ZDHHC24: variants seen among roughly 807,000 people sequenced by gnomAD.
ZDHHC24 encodes the protein zDHHC palmitoyltransferase 24, also known as probable palmitoyltransferase ZDHHC24.
Under a neutral mutation model 23.2 loss-of-function variants are expected in ZDHHC24, and 17 were observed. The observed-to-expected ratio is 0.73, with a 90% CI of 0.50 to 1.10. The LOEUF (loss-of-function observed/expected upper bound fraction) is 1.10. Among genes scored for constraint, ZDHHC24 ranks in the 50% least tolerant of loss-of-function variants. The pLI, the probability that ZDHHC24 is intolerant of heterozygous loss-of-function variation, is 0.00. For missense variants in ZDHHC24, 366 were observed against 393.0 expected (o/e 0.93, Z 0.58); for synonymous variants, 186 against 194.5 (o/e 0.96, Z 0.36).
Position 66,539,766 on chromosome 11 carries a change from A to G in ZDHHC24, c.618T>C (p.Gly206=). 1 of 1,606,558 alleles carries G rather than the reference A, an allele frequency of 6.2e-7. No homozygotes were observed. The highest frequency in any genetic ancestry group is 8.5e-7 in the Non-Finnish European group (1 of 1,177,196). ...GCAGCCCAGCCCCGCACAGCAGCGC[A>G]CCCGCCACGCACGTGTCCGTCACGA... ...LAFVTDTCVA[G]ALLCGAGLLF... The change falls in exon 3 of 3, where the codon GGT becomes GGC. Residue 206 remains glycine, a synonymous_variant. Coordinates refer to ENST00000310442, the MANE Select transcript of ZDHHC24 (RefSeq NM_207340.3).
At chr11:66,535,524 C>T (rs1177300585), downstream of ZDHHC24, among the ~76,000 whole-genome samples, 1 of 152,054 alleles carries the variant, frequency 6.6e-6, no homozygotes, top group Non-Finnish European at 1.5e-5. Context: ...GAGACAGGGT[C>T]TCACTATGTT....
intron 2 of ZDHHC24, chr11:66,542,599 G>C (rs764530198): frequency 1.3e-5 from 2 of 153,158 alleles, no homozygotes; most frequent in Admixed American, 6.6e-5. Context: ...GACCAGGACT[G>C]GGGTGTGGAC....
chr11:66,521,998 A>C (rs1162688742), intron 4 of ZDHHC24, among the ~76,000 whole-genome samples: 1 of 150,768 alleles, frequency 6.6e-6, no homozygotes, highest in African/African-American at 2.4e-5. Flanking sequence ...TGGGTGGATC[A>C]TGAGGTCAGG....
chr11:66,531,659 C>T (rs1419788913), downstream of ZDHHC24: 2 of 1,613,988 alleles, frequency 1.2e-6, no homozygotes, highest in Admixed American at 1.7e-5. Flanking sequence ...AACTTAGGTA[C>T]CCTTGCTGGT....
exon 3 of ZDHHC24, chr11:66,529,334 T>G (rs756153972): frequency 3.3e-6 from 5 of 1,535,408 alleles, no homozygotes; most frequent in Non-Finnish European, 4.4e-6. Flanking sequence ...TTCCGCAGCA[T>G]TGAGCCTGAG....
intron 3 of ZDHHC24, chr11:66,528,980 A>C: frequency 2.7e-6 from 2 of 736,378 alleles, no homozygotes; most frequent in Non-Finnish European, 3.3e-6. Context: ...AAAAAAAAAA[A>C]AAAAAAAAAG....
downstream of ZDHHC24, chr11:66,532,231 A>C: frequency 3.3e-6 from 2 of 606,172 alleles, no homozygotes; most frequent in East Asian, 2.8e-5. Flanking sequence ...GGGCGGCTCA[A>C]CTCCTCCCAC....
At chr11:66,521,449 T>G in exon 5 of ZDHHC24, 1 of 1,194,626 alleles carries the variant, frequency 8.4e-7, no homozygotes, top group Non-Finnish European at 1.2e-6. Context: ...GCTTGCAAGA[T>G]GAGAGTGGGC....
At chr11:66,540,296 G>T (rs1044352402) in intron 2 of ZDHHC24, among the ~76,000 whole-genome samples, 1 of 152,030 alleles carries the variant, frequency 6.6e-6, no homozygotes, top group East Asian at 1.9e-4. Context: ...GCAGGCGCCT[G>T]TAATCCCAGC....
At chr11:66,535,494 C>G (rs1856939683), downstream of ZDHHC24, among the ~76,000 whole-genome samples, 1 of 151,958 alleles carries the variant, frequency 6.6e-6, no homozygotes, top group South Asian at 2.1e-4. Flanking sequence ...GCCCAGCCCC[C>G]ATTAATTTTG....
chr11:66,526,857 C>T, intron 4 of ZDHHC24: 3 of 1,614,128 alleles, frequency 1.9e-6, no homozygotes, highest in Non-Finnish European at 2.5e-6. Context: ...ACTGCTCCTA[C>T]ACAGCAAAGC....
Position 66,535,780 on chromosome 11 carries a change from T to G in ZDHHC24, c.*3749A>C, listed in dbSNP as rs1480489499. On this transcript the variant is annotated 3_prime_UTR_variant, in exon 3 of 3. Coordinates refer to ENST00000310442, the MANE Select transcript of ZDHHC24 (RefSeq NM_207340.3). ...TCCATTCTACATCTCAAGGGGTTTT[T>G]GGGGGGAATTTGACAAGCTGATTCT... 4.6e-5 allele frequency: 7 copies of G among 152,132 alleles called. No individual in the cohort carries two copies. The highest frequency in any genetic ancestry group is 1.4e-4 in the African/African-American group (6 of 41,414). 9.4% of individuals were successfully genotyped at this position (152,132 alleles called of 1,614,324 possible). A position where few individuals can be genotyped will look rare whatever the true frequency, so the allele number is the denominator to read the frequency against.
intron 2 of ZDHHC24, 43 bp downstream of exon 2, chr11:66,543,661 C>T: frequency 2.6e-6 from 4 of 1,518,076 alleles, no homozygotes; most frequent in Non-Finnish European, 3.5e-6. Flanking sequence ...CAGCCCAATA[C>T]CAGGGCCCCT....
At chr11:66,522,768 C>A in intron 4 of ZDHHC24, 1 of 240,648 alleles carries the variant, frequency 4.2e-6, no homozygotes, top group Non-Finnish European at 8.2e-6. Context: ...ATGGCGAAGA[C>A]AGATGTATTA....
chr11:66,522,884 C>T (rs932377421), intron 4 of ZDHHC24: 9 of 345,530 alleles, frequency 2.6e-5, no homozygotes, highest in African/African-American at 1.9e-4. Flanking sequence ...GAACACCTCT[C>T]TGTGGAGATG....
At chr11:66,544,669 T>C (rs1857257623) in intron 1 of ZDHHC24, among the ~76,000 whole-genome samples, 1 of 152,184 alleles carries the variant, frequency 6.6e-6, no homozygotes, top group African/African-American at 2.4e-5. Context: ...TCCTTCTCTA[T>C]GAGGTCTACC....
downstream of ZDHHC24, chr11:66,531,626 GT>G (rs763117897): frequency 1.2e-6 from 2 of 1,613,972 alleles, no homozygotes; most frequent in Non-Finnish European, 1.7e-6. Flanking sequence ...ACGAGGGCTG[GT>G]TTCCTTACTT....
rs1469834473 is a variant in ZDHHC24 at position 66,545,393 on chromosome 11, G to C, written c.281+330C>G. 6.6e-6 allele frequency among the ~76,000 whole-genome samples: 1 copy of C among 152,064 alleles called. No homozygotes were observed. The highest frequency in any genetic ancestry group is 2.1e-4 in the South Asian group (1 of 4,830). ...ACCCCTTTACCCTGCTCTACTTCTT[G>C]TTTCCAAACTACTATCACCTTCTAG... On this transcript the variant is annotated intron_variant, in intron 1 of 2. Coordinates refer to ENST00000310442, the MANE Select transcript of ZDHHC24 (RefSeq NM_207340.3). This position sits in a 1 kb window ranked among gnomAD's most constrained non-coding sequence, Gnocchi z 4.5.
chr11:66,525,947 A>T (rs547969637), intron 4 of ZDHHC24, among the ~76,000 whole-genome samples: 2 of 152,284 alleles, frequency 1.3e-5, no homozygotes, highest in South Asian at 4.1e-4. Context: ...TCTGGAACTG[A>T]GGTAGTGAGA....
Sources: allele counts gnomAD v4.1 joint callset (sites outside exome capture counted in the v4.1 genomes callset), GRCh38; gene constraint gnomAD v4.1.1; non-coding constraint Gnocchi (gnomAD v3.1); transcripts MANE v1.5; gene names NCBI Gene and HGNC (gene_info 2026-07-23, HGNC 2026-07-21).